Variants in SLC28A1 observed in about 807,000 individuals in gnomAD.
The protein encoded by SLC28A1 is sodium/nucleoside cotransporter 1.
In SLC28A1, 64 loss-of-function variants were observed where a neutral mutation model predicts 74.8. The ratio of observed to expected loss-of-function variants is 0.86; its 90% CI spans 0.70 to 1.05. The LOEUF is 1.05. Among genes scored for constraint, SLC28A1 ranks in the 50% least tolerant of loss-of-function variants. The probability of loss-of-function intolerance (pLI) is 0.00; values close to 1 mark genes in which losing one functional copy is unlikely to be tolerated. For missense variants in SLC28A1, 828 were observed against 822.8 expected, an observed-to-expected ratio of 1.01 and a Z score of -0.08; for synonymous variants, 359 against 335.0, an observed-to-expected ratio of 1.07 and a Z score of -0.78.
chr15:84,910,188 A>C (rs1596277420), intron 9 of SLC28A1, among the ~76,000 whole-genome samples: 1 of 152,174 alleles, frequency 6.6e-6, no homozygotes, highest in Non-Finnish European at 1.5e-5. Context: ...CCCCTGGGCA[A>C]ATTTGCCCAT....
At chr15:84,921,119 G>A in intron 11 of SLC28A1, 50 bp downstream of exon 11, 6 of 1,395,666 alleles carry the variant, frequency 4.3e-6, no homozygotes, top group Non-Finnish European at 6.1e-6. Flanking sequence ...CTTCCCCAAA[G>A]AGGGCAGTTT....
At chr15:84,910,186 C>A (rs879594115) in intron 9 of SLC28A1, among the ~76,000 whole-genome samples, 1 of 152,154 alleles carries the variant, frequency 6.6e-6, no homozygotes, top group Admixed American at 6.5e-5. Context: ...GCCCCCTGGG[C>A]AAATTTGCCC....
At chr15:84,963,283 T>G in the SLC28A1 span, among the ~76,000 whole-genome samples, 2 of 152,152 alleles carry the variant, frequency 1.3e-5, no homozygotes, top group Non-Finnish European at 2.9e-5. Flanking sequence ...CTACCACCAC[T>G]GGATGCCCCA....
At chr15:84,964,114 C>A in the SLC28A1 span, among the ~76,000 whole-genome samples, 4 of 152,228 alleles carry the variant, frequency 2.6e-5, no homozygotes, top group African/African-American at 9.6e-5. Context: ...GTCTTGGCCC[C>A]TGTCATACCT....
chr15:84,967,939 A>G, the SLC28A1 span, among the ~76,000 whole-genome samples: 7 of 152,256 alleles, frequency 4.6e-5, no homozygotes, highest in East Asian at 1.3e-3. Flanking sequence ...GGGCAAAAGA[A>G]GGGCTAAGAT....
chr15:84,895,946 G>T, intron 6 of SLC28A1: 1 of 987,416 alleles, frequency 1.0e-6, no homozygotes, highest in Non-Finnish European at 1.2e-6. Flanking sequence ...AATGATTTGA[G>T]CCAGCCTGTG....
Position 84,935,350 on chromosome 15 carries a change from A to T in SLC28A1, c.1413A>T (p.Val471=). ...TCTGCTCCTACATCCTGCGGCCTGT[A>T]GCCTTCTTGATGGGTGTGGCGTGGG... ...QLICSYILRP[V]AFLMGVAWED... The change falls in exon 15 of 19, where the codon GTA becomes GTT. Residue 471 remains valine, a synonymous_variant. Coordinates refer to ENST00000394573, the MANE Select transcript of SLC28A1 (RefSeq NM_004213.5). 6.2e-7 allele frequency: 1 copy of T among 1,614,200 alleles called. No individual in the cohort carries two copies. Among genetic ancestry groups the T allele is most frequent in the Non-Finnish European group, 8.5e-7 (1 of 1,180,040 alleles).
chr15:84,939,591 G>A (rs944840132), intron 15 of SLC28A1: 1 of 151,936 alleles, frequency 6.6e-6, no homozygotes, highest in African/African-American at 2.4e-5. Context: ...CCTTTATGTT[G>A]TATAAGGAAA....
rs180986175 is a variant in SLC28A1 at position 84,905,075 on chromosome 15, C to T, written c.604-464C>T. Among the ~76,000 whole-genome samples the T allele has an allele frequency of 7.9e-5, 12 of 152,264 alleles. No homozygotes were observed. The East Asian group carries it at 1.9e-3, about 24-fold the overall frequency. On this transcript the variant is annotated intron_variant, in intron 7 of 18. Transcript: ENST00000394573. ...CCCAGCTCTTGTCTGCTAGGAGGGG[C>T]GTGGGGTGTGGGCATGGAGAGAGTC...
the SLC28A1 span, chr15:84,961,459 G>T: frequency 4.4e-6 from 2 of 451,836 alleles, no homozygotes; most frequent in South Asian, 3.1e-5. Flanking sequence ...AGTCTCCCAA[G>T]CAGCTGGGAC....
intron 10 of SLC28A1, among the ~76,000 whole-genome samples, chr15:84,919,025 C>A (rs1390159748): frequency 6.6e-6 from 1 of 152,174 alleles, no homozygotes; most frequent in South Asian, 2.1e-4. Flanking sequence ...ACCAAATGTC[C>A]TTTCCCAGGG....
At chr15:84,956,409 C>T in the SLC28A1 span, among the ~76,000 whole-genome samples, 2 of 149,550 alleles carry the variant, frequency 1.3e-5, no homozygotes, top group African/African-American at 5.0e-5. Context: ...TCTCTCCCTT[C>T]CTTCCTTCCT....
chr15:84,957,558 T>C, the SLC28A1 span, among the ~76,000 whole-genome samples: 25,730 of 152,240 alleles, frequency 0.17, 2,814 homozygotes, highest in South Asian at 0.43. Context: ...TGAGCCACCA[T>C]GCCTGGCCGA....
intron 12 of SLC28A1, among the ~76,000 whole-genome samples, chr15:84,924,797 T>C (rs1281443732): frequency 6.6e-6 from 1 of 152,246 alleles, no homozygotes; most frequent in Non-Finnish European, 1.5e-5. Flanking sequence ...TTTATTTCCT[T>C]AATGATCAAA....
At chr15:84,895,265 T>C in intron 6 of SLC28A1, 142 bp downstream of exon 6, 1 of 1,569,964 alleles carries the variant, frequency 6.4e-7, no homozygotes, top group Non-Finnish European at 8.8e-7. Context: ...CAGGAGCCAG[T>C]GGGTGGCTTC....
chr15:84,891,963 G>A (rs12148896), intron 5 of SLC28A1, among the ~76,000 whole-genome samples: 76,144 of 151,584 alleles, frequency 0.5, 19,236 homozygotes, highest in East Asian at 0.7. Flanking sequence ...CCCCTGGCAC[G>A]GAGTAGAAAA....
chr15:84,891,931 G>A (rs963810471), intron 5 of SLC28A1, among the ~76,000 whole-genome samples: 1 of 152,052 alleles, frequency 6.6e-6, no homozygotes, highest in African/African-American at 2.4e-5. Context: ...GGGAGATGAA[G>A]AGATGTCCGA....
chr15:84,972,039 G>A, the SLC28A1 span, among the ~76,000 whole-genome samples: 1 of 152,322 alleles, frequency 6.6e-6, no homozygotes, highest in South Asian at 2.1e-4. Flanking sequence ...TTAGGAAGCT[G>A]CTTTATTCCA....
At chr15:84,950,572 C>T (rs1037334292), downstream of SLC28A1, among the ~76,000 whole-genome samples, 2 of 151,956 alleles carry the variant, frequency 1.3e-5, no homozygotes, top group Admixed American at 6.6e-5. Context: ...CTGGGCATGA[C>T]GGTGTGTGCA....
Sources: allele counts gnomAD v4.1 joint callset (sites outside exome capture counted in the v4.1 genomes callset), GRCh38; gene constraint gnomAD v4.1.1; transcripts MANE v1.5; gene names NCBI Gene and HGNC (gene_info 2026-07-23, HGNC 2026-07-21).